The following KRT8 variants were observed in gnomAD, a reference collection of about 807,000 sequenced individuals.
KRT8 encodes the protein keratin 8, also known as keratin, type II cytoskeletal 8.
A neutral mutation model predicts 43.0 loss-of-function variants in KRT8; 24 were observed. The ratio of observed to expected loss-of-function variants is 0.56; its 90% CI spans 0.40 to 0.78. The LOEUF (loss-of-function observed/expected upper bound fraction) is 0.78. Ranked by LOEUF, KRT8 falls within the 30% of genes least tolerant of loss-of-function variation. The probability of loss-of-function intolerance (pLI) is 0.00; values close to 1 mark genes in which losing one functional copy is unlikely to be tolerated. For missense variants in KRT8, 492 were observed against 638.4 expected (o/e 0.77, Z 2.47); for synonymous variants, 214 against 261.2 (o/e 0.82, Z 1.74).
intron 2 of KRT8, among the ~76,000 whole-genome samples, chr12:52,943,203 G>T (rs145296526): frequency 6.6e-6 from 1 of 152,134 alleles, no homozygotes. Flanking sequence ...TCTCCTGTCC[G>T]TCGCTGATAA....
upstream of KRT8, chr12:52,906,731 G>C (rs1223165209): frequency 2.2e-6 from 1 of 455,992 alleles, no homozygotes; most frequent in Admixed American, 2.3e-5. Context: ...AGGACCAACA[G>C]ATGACAGCCA....
chr12:52,915,088 T>C (rs1941708595), intron 2 of KRT8, among the ~76,000 whole-genome samples: 1 of 152,058 alleles, frequency 6.6e-6, no homozygotes, highest in Non-Finnish European at 1.5e-5. Flanking sequence ...AAAAATGTGA[T>C]TTGGGCCAGG....
At chr12:52,901,683 A>G in intron 2 of KRT8, 181 bp downstream of exon 2, 1 of 628,584 alleles carries the variant, frequency 1.6e-6, no homozygotes. Context: ...ACTATCAACA[A>G]TTGTGCTAGG....
intron 2 of KRT8, among the ~76,000 whole-genome samples, chr12:52,919,116 TA>T (rs1449025699): frequency 2.0e-5 from 3 of 152,126 alleles, no homozygotes; most frequent in Non-Finnish European, 2.9e-5. Flanking sequence ...ATCCAATTCC[TA>T]GGGAGCTAGC....
intron 2 of KRT8, among the ~76,000 whole-genome samples, chr12:52,934,697 G>A (rs1412106904): frequency 6.6e-6 from 1 of 151,752 alleles, no homozygotes; most frequent in Non-Finnish European, 1.5e-5. Context: ...GGCCAGGTGC[G>A]GTGGCTCACG....
At chr12:52,906,750 TGAG>T (rs1029670534), upstream of KRT8, 6 of 455,838 alleles carry the variant, frequency 1.3e-5, no homozygotes, top group Middle Eastern at 3.3e-4. Context: ...CAGATCCCCT[TGAG>T]GAGAGGGACA....
At chr12:52,898,731 G>A (rs549145981) in exon 6 of KRT8, 4 of 1,614,216 alleles carry the variant, frequency 2.5e-6, no homozygotes, top group Admixed American at 3.3e-5. Context: ...TCGATGTCCA[G>A]GGCCAGCTTG....
chr12:52,905,662 G>A (rs1941497909), upstream of KRT8, among the ~76,000 whole-genome samples: 1 of 152,038 alleles, frequency 6.6e-6, no homozygotes, highest in Admixed American at 6.6e-5. Context: ...AGAGGGTCTG[G>A]GTAGATATTT....
chr12:52,898,660 CAG>C lies in KRT8; in HGVS notation c.1202+17_1202+18del, dbSNP rs771114286. ...CCAGGGATAGGGAAGCAGGTCCGGTCAGAGGTACCCACACCCACCGGCTCTCC... is the reference window on the plus strand; with the variant it reads ...CCAGGGATAGGGAAGCAGGTCCGGTCAGGTACCCACACCCACCGGCTCTCC... On this transcript the variant is annotated intron_variant, in intron 6 of 7. Coordinates refer to ENST00000692008, the Ensembl canonical transcript of KRT8. The C allele has an allele frequency of 5.0e-6, 8 of 1,614,056 alleles. 1 individual carries two copies. Among genetic ancestry groups the C allele is most frequent in the South Asian group, 3.3e-5 (3 of 91,084 alleles).
intron 2 of KRT8, among the ~76,000 whole-genome samples, chr12:52,914,387 A>G (rs1193102998): frequency 6.6e-6 from 1 of 151,896 alleles, no homozygotes; most frequent in African/African-American, 2.4e-5. Context: ...ATACCAAAAA[A>G]TTAGCATAGT....
At chr12:52,901,410 A>C (rs1941367197) in intron 2 of KRT8, 191 bp from the exon 3 acceptor site, 3 of 641,710 alleles carry the variant, frequency 4.7e-6, no homozygotes, top group Non-Finnish European at 8.5e-6. Context: ...CGTGGGAAGC[A>C]GGAAATCTCT....
intron 2 of KRT8, among the ~76,000 whole-genome samples, chr12:52,924,878 T>C (rs1179828882): frequency 6.6e-6 from 1 of 152,198 alleles, no homozygotes; most frequent in Non-Finnish European, 1.5e-5. Context: ...ATCCTCTCCT[T>C]AACTAAGCAC....
upstream of KRT8, among the ~76,000 whole-genome samples, chr12:52,911,539 A>G (rs1227230153): frequency 6.6e-6 from 1 of 152,184 alleles, no homozygotes; most frequent in Non-Finnish European, 1.5e-5. Context: ...AATAACACAT[A>G]CAGTGCAAAA....
intron 2 of KRT8, among the ~76,000 whole-genome samples, chr12:52,935,309 G>T (rs1192519463): frequency 7.0e-6 from 1 of 143,438 alleles, no homozygotes; most frequent in East Asian, 2.0e-4. Context: ...AACCCAGGAG[G>T]CATAGGTTGC....
At chr12:52,927,471 G>C (rs1314359177) in intron 2 of KRT8, among the ~76,000 whole-genome samples, 1 of 152,238 alleles carries the variant, frequency 6.6e-6, no homozygotes, top group Admixed American at 6.5e-5. Context: ...AGGAGGAAGA[G>C]CTCTGTTTGT....
rs1448628684 is a variant in KRT8 at position 52,900,460 on chromosome 12, T to A, written c.690+128A>T. 4 of 729,092 alleles carry A rather than the reference T, an allele frequency of 5.5e-6. No homozygotes were observed. In the East Asian group the frequency reaches 1.0e-4, roughly 19 times the overall value. 45.2% of individuals were successfully genotyped at this position (729,092 alleles called of 1,614,324 possible). The stretch of plus-strand genomic sequence containing the variant: ...CTAGCCGAGCAAATATTGGTGGCTG[T>A]AATTAGTCAGCAGTGGGCCTTTGTC... On this transcript the variant is annotated intron_variant, in intron 4 of 7. Transcript: ENST00000692008.
intron 2 of KRT8, among the ~76,000 whole-genome samples, chr12:52,930,146 A>G (rs752250685): frequency 2.6e-5 from 4 of 152,134 alleles, no homozygotes; most frequent in Non-Finnish European, 5.9e-5. Context: ...GTTCAGTGTT[A>G]TTATTGTTAC....
At chr12:52,943,852 C>G (rs558703103) in intron 2 of KRT8, among the ~76,000 whole-genome samples, 2 of 152,222 alleles carry the variant, frequency 1.3e-5, no homozygotes, top group Non-Finnish European at 2.9e-5. Flanking sequence ...AAGAGGCTGA[C>G]AGAGACAGAG....
Position 52,897,630 on chromosome 12 carries a change from C to G in KRT8, c.1262-12G>C. On this transcript the variant is annotated splice_polypyrimidine_tract_variant and intron_variant, in intron 7 of 7. Transcript: ENST00000692008. ...CGAGCTCAGACCACCTGGTGAGGGA[C>G]AGAGGTAGCCACATGAGTACAGAAG... 6.3e-7 allele frequency: 1 copy of G among 1,597,982 alleles called. No homozygotes were observed. Among genetic ancestry groups the G allele is most frequent in the Non-Finnish European group, 8.5e-7 (1 of 1,179,930 alleles).
Sources: gnomAD v4.1 joint callset for allele counts (sites outside exome capture counted in the v4.1 genomes callset) on GRCh38, gnomAD v4.1.1 for gene constraint, MANE v1.5 for transcripts, NCBI Gene and HGNC (gene_info 2026-07-23, HGNC 2026-07-21) for gene names.